The following PDGFRL variants were observed in gnomAD, a reference collection of about 807,000 sequenced individuals.
PDGFRL encodes platelet-derived growth factor receptor-like protein.
PDGFRL carries 46 observed loss-of-function variants against 37.2 expected under a neutral mutation model. The ratio of observed to expected loss-of-function variants is 1.24; its 90% confidence interval spans 0.98 to 1.58. The LOEUF (loss-of-function observed/expected upper bound fraction) is 1.58. PDGFRL is among the 40% of genes most tolerant of loss of function. The pLI, the probability that PDGFRL is intolerant of heterozygous loss-of-function variation, is 0.00. For missense variants in PDGFRL, 692 were observed against 467.6 expected (o/e 1.48, Z -4.43); for synonymous variants, 251 against 184.3 (o/e 1.36, Z -2.93).
At chr8:17,619,208 C>A (rs1228261481) in intron 2 of PDGFRL, among the ~76,000 whole-genome samples, 5 of 152,120 alleles carry the variant, frequency 3.3e-5, no homozygotes, top group African/African-American at 1.2e-4. Flanking sequence ...CGAGATGAGT[C>A]CCCAGATTAA....
chr8:17,628,167 GT>G (rs140805340), intron 3 of PDGFRL, among the ~76,000 whole-genome samples: 1 of 149,166 alleles, frequency 6.7e-6, no homozygotes, highest in Non-Finnish European at 1.5e-5. Context: ...CTCATTTTTT[GT>G]TTTTTTTAGT....
At chr8:17,599,466 T>C (rs757974666) in intron 2 of PDGFRL, among the ~76,000 whole-genome samples, 5 of 152,232 alleles carry the variant, frequency 3.3e-5, no homozygotes, top group Admixed American at 6.5e-5. Context: ...TCTACTGAAC[T>C]CTTGAATATG....
chr8:17,577,995 T>C (rs552597836), intron 1 of PDGFRL, among the ~76,000 whole-genome samples: 2 of 152,040 alleles, frequency 1.3e-5, no homozygotes, highest in African/African-American at 4.8e-5. Flanking sequence ...TGTGTACCTG[T>C]CCTGGGTCCA....
chr8:17,620,592 C>T (rs893359622), intron 2 of PDGFRL, among the ~76,000 whole-genome samples: 6 of 152,144 alleles, frequency 3.9e-5, no homozygotes, highest in African/African-American at 1.2e-4. Context: ...TTGTATTGCT[C>T]ATTCCTTGAG....
intron 2 of PDGFRL, among the ~76,000 whole-genome samples, chr8:17,590,399 A>G (rs1303106468): frequency 6.6e-6 from 1 of 151,724 alleles, no homozygotes; most frequent in Non-Finnish European, 1.5e-5. Context: ...TATTATGCAT[A>G]GAGATGGATG....
chr8:17,638,738 C>CACATATAT (rs1805025454), intron 5 of PDGFRL, among the ~76,000 whole-genome samples: 1 of 47,352 alleles, frequency 2.1e-5, no homozygotes, highest in Non-Finnish European at 4.3e-5. Flanking sequence ...GCATTAGGTG[C>CACATATAT]ATATATATAT....
intron 1 of PDGFRL, among the ~76,000 whole-genome samples, chr8:17,587,965 AC>A (rs1185726910): frequency 2.6e-5 from 4 of 151,576 alleles, no homozygotes; most frequent in Non-Finnish European, 5.9e-5. Context: ...AGTGGACACA[AC>A]TGTGTGGCTG....
intron 3 of PDGFRL, among the ~76,000 whole-genome samples, chr8:17,626,730 C>A (rs537561074): frequency 9.2e-5 from 14 of 152,104 alleles, no homozygotes; most frequent in African/African-American, 3.4e-4. Context: ...ATTCAATGTA[C>A]CATGCCAAAA....
At position 17,589,400 on chromosome 8, in the gene PDGFRL, G is replaced by T. The variant is rs1585301013; in HGVS notation, c.56-68G>T. The stretch of plus-strand genomic sequence containing the variant: ...GAATCTGTCTCAAAAAAAAAAAAAA[G>T]TTATTGGCCTCAAATATTCCAAAAA... On this transcript the variant is annotated intron_variant, in intron 1 of 5. Transcript: ENST00000251630. The T allele has an allele frequency of 1.1e-5, 12 of 1,124,824 alleles. No individual in the cohort carries two copies. In the East Asian group the frequency reaches 1.9e-4, roughly 18 times the overall value. 69.7% of individuals were successfully genotyped at this position (1,124,824 alleles called of 1,614,324 possible).
chr8:17,640,450 T>C (rs7387705), intron 5 of PDGFRL, among the ~76,000 whole-genome samples: 14,275 of 152,206 alleles, frequency 0.094, 790 homozygotes, highest in East Asian at 0.16. Context: ...GCTCTTCATA[T>C]TCTTTTGTCC....
rs533116517 is a variant in PDGFRL, at chr8:17,640,596, T to G, written c.940-2017T>G. ...GAGTTACTGGGCTCTGGGCTGGTACTTAGTGGTGCCTGTACAGAGTCCTTT... is the reference window on the plus strand; with the variant it reads ...GAGTTACTGGGCTCTGGGCTGGTACGTAGTGGTGCCTGTACAGAGTCCTTT... On this transcript the variant is annotated intron_variant, in intron 5 of 5. Transcript: ENST00000251630. 5.3e-5 allele frequency among the ~76,000 whole-genome samples: 8 copies of G among 152,270 alleles called. 1 individual carries two copies. The highest frequency in any genetic ancestry group is 1.9e-4 in the African/African-American group (8 of 41,544).
intron 2 of PDGFRL, among the ~76,000 whole-genome samples, chr8:17,617,485 C>T (rs985599776): frequency 6.6e-6 from 1 of 152,166 alleles, no homozygotes; most frequent in African/African-American, 2.4e-5. Context: ...GAATCCTTGT[C>T]TCCCTTGCGT....
intron 1 of PDGFRL, among the ~76,000 whole-genome samples, chr8:17,588,612 A>G (rs770810685): frequency 1.3e-5 from 2 of 152,174 alleles, no homozygotes; most frequent in African/African-American, 2.4e-5. Context: ...GTTCAAGGCT[A>G]CAGTGAGCTA....
chr8:17,638,440 T>C (rs1805017412), intron 5 of PDGFRL, among the ~76,000 whole-genome samples: 1 of 152,096 alleles, frequency 6.6e-6, no homozygotes, highest in Non-Finnish European at 1.5e-5. Context: ...CTTAAATTTA[T>C]TGAAACTTGT....
At chr8:17,640,003 AT>A (rs1805057995) in intron 5 of PDGFRL, among the ~76,000 whole-genome samples, 1 of 151,990 alleles carries the variant, frequency 6.6e-6, no homozygotes, top group Non-Finnish European at 1.5e-5. Flanking sequence ...TCTTTGTTCG[AT>A]TGGGTTAATC....
At chr8:17,586,644 TA>T (rs1367755215) in intron 1 of PDGFRL, among the ~76,000 whole-genome samples, 1 of 150,902 alleles carries the variant, frequency 6.6e-6, no homozygotes, top group Non-Finnish European at 1.5e-5. Flanking sequence ...GTGACAACCA[TA>T]AAAAAACAAA....
chr8:17,595,901 A>T (rs573611758), intron 2 of PDGFRL, among the ~76,000 whole-genome samples: 2 of 152,222 alleles, frequency 1.3e-5, no homozygotes, highest in African/African-American at 4.8e-5. Flanking sequence ...GGCAGGCCCA[A>T]TGGGTAGTCA....
At chr8:17,639,142 TTA>T (rs1805041063) in intron 5 of PDGFRL, among the ~76,000 whole-genome samples, 3 of 152,056 alleles carry the variant, frequency 2.0e-5, no homozygotes, top group South Asian at 4.1e-4. Context: ...TACCATAAGT[TTA>T]TGTTAGTCCT....
rs368746243 is a variant in PDGFRL at position 17,585,978 on chromosome 8, G to T, written c.56-3490G>T. Among the ~76,000 whole-genome samples the T allele has an allele frequency of 1.3e-5, 2 of 152,014 alleles. 1 individual carries two copies. The highest frequency in any genetic ancestry group is 1.3e-4 in the Admixed American group (2 of 15,270). On this transcript the variant is annotated intron_variant, in intron 1 of 5. Coordinates refer to ENST00000251630, the MANE Select transcript of PDGFRL (RefSeq NM_001372073.1). ...TGTTTTTTCTTTTTTTTGAGACAGA[G>T]TCTCACTCTGTTGCCCAGGCTGGAG...
Sources: allele counts gnomAD v4.1 joint callset (sites outside exome capture counted in the v4.1 genomes callset), GRCh38; gene constraint gnomAD v4.1.1; transcripts MANE v1.5; gene names NCBI Gene and HGNC (gene_info 2026-07-23, HGNC 2026-07-21).